The following OTUB2 variants were observed in gnomAD, a reference collection of about 807,000 sequenced individuals.
OTUB2 encodes ubiquitin thioesterase OTUB2.
A neutral mutation model predicts 25.1 loss-of-function variants in OTUB2; 21 were observed. That is an observed-to-expected ratio of 0.84 (90% CI 0.59 to 1.21). The LOEUF (loss-of-function observed/expected upper bound fraction) is 1.21, where lower values mean the gene tolerates loss of function less well. Among genes scored for constraint, OTUB2 ranks in the 50% most tolerant of loss-of-function variants. The pLI is 0.00. For missense variants in OTUB2, 283 were observed against 298.0 expected (o/e 0.95, Z 0.37); for synonymous variants, 122 against 122.8 (o/e 0.99, Z 0.04).
chr14:94,040,380 C>T (rs978576734), intron 3 of OTUB2, among the ~76,000 whole-genome samples: 2 of 152,208 alleles, frequency 1.3e-5, no homozygotes, highest in South Asian at 2.1e-4. Context: ...CTTCATTTCC[C>T]CACGACCCAT....
intron 1 of OTUB2, among the ~76,000 whole-genome samples, chr14:94,033,914 T>C (rs1885006197): frequency 6.6e-6 from 1 of 152,266 alleles, no homozygotes; most frequent in African/African-American, 2.4e-5. Flanking sequence ...ATGTCAATCT[T>C]TCATGATTTA....
chr14:94,045,328 T>C (rs1175208342), intron 5 of OTUB2, among the ~76,000 whole-genome samples: 4 of 152,116 alleles, frequency 2.6e-5, no homozygotes, highest in Admixed American at 6.5e-5. Flanking sequence ...GCCTAGCCTC[T>C]GTAAACACTT....
chr14:94,044,880 C>G (rs748875491), intron 5 of OTUB2, 100 bp downstream of exon 5: 5 of 1,239,402 alleles, frequency 4.0e-6, no homozygotes, highest in Non-Finnish European at 5.5e-6. Context: ...TCGGGTGTCA[C>G]GACTGCCCTT....
intron 1 of OTUB2, among the ~76,000 whole-genome samples, chr14:94,033,706 C>T (rs184165949): frequency 8.1e-4 from 123 of 152,290 alleles, no homozygotes; most frequent in East Asian, 4.0e-3. Flanking sequence ...TCAGAGGGTG[C>T]GTGAGTGGGA....
Position 94,045,858 on chromosome 14 carries a change from C to A in OTUB2, c.641C>A (p.Pro214His), listed in dbSNP as rs1458088560. Residue 214 changes from proline (P) to histidine (H), a missense_variant, in exon 6 of 6, where the codon CCT becomes CAT. Physicochemically the swap from Pro to His is moderately conservative, Grantham distance 77. Coordinates refer to ENST00000203664, the MANE Select transcript of OTUB2 (RefSeq NM_023112.4). ...CACGTGTTCCCTGAGGCCGCCACCC[C>A]TTCCGTTTACCTGCTCTATAAAACA... ...NHHVFPEAATPSVYLLYKTSH... is the reference protein window; with the variant it reads ...NHHVFPEAATHSVYLLYKTSH... 4 of 1,614,116 alleles carry A rather than the reference C, an allele frequency of 2.5e-6. No homozygotes were observed. Among genetic ancestry groups the A allele is most frequent in the Non-Finnish European group, 3.4e-6 (4 of 1,180,048 alleles).
intron 4 of OTUB2, among the ~76,000 whole-genome samples, chr14:94,044,275 G>C (rs972783225): frequency 6.6e-6 from 1 of 152,178 alleles, no homozygotes; most frequent in Non-Finnish European, 1.5e-5. Context: ...GTGAAGGGGC[G>C]GGATCGAGGA....
At chr14:94,038,558 G>A (rs886676613) in intron 2 of OTUB2, among the ~76,000 whole-genome samples, 47 of 43,880 alleles carry the variant, frequency 1.1e-3, no homozygotes, top group African/African-American at 3.4e-3. Flanking sequence ...CACCCCTCCC[G>A]CCCCTGCTCA....
chr14:94,030,675 GTCC>G (rs1261293266), intron 1 of OTUB2, among the ~76,000 whole-genome samples: 1 of 152,146 alleles, frequency 6.6e-6, no homozygotes, highest in Non-Finnish European at 1.5e-5. Flanking sequence ...TGATGTCCAC[GTCC>G]TAATCCCCAC....
At position 94,026,464 on chromosome 14, in the gene OTUB2, CG is replaced by C; in HGVS notation, c.-73del. ...CACCGAACCAGCGGCGGAGCCCGCC[CG>C]CGCCTCCCGCGGCATTCCCGCACCG... On this transcript the variant is annotated 5_prime_UTR_variant, in exon 1 of 6. Transcript: ENST00000203664. 7.6e-7 allele frequency: 1 copy of C among 1,322,686 alleles called. No individual in the cohort carries two copies. The highest frequency in any genetic ancestry group is 9.7e-7 in the Non-Finnish European group (1 of 1,032,766). The allele number at this position is 1,322,686 out of a possible 1,614,324, so 81.9% of individuals were successfully genotyped here.
rs562652760 is a variant in OTUB2 at position 94,031,778 on chromosome 14, A to T, written c.3+5238A>T. ...ATATATTCCTCCACGCAAGCTGCTA[A>T]ATCTGTTTCCAAGCCACAGTGCTAT... On this transcript the variant is annotated intron_variant, in intron 1 of 5. Transcript: ENST00000203664. Among the ~76,000 whole-genome samples the T allele has an allele frequency of 3.3e-4, 50 of 152,344 alleles. 2 individuals carry two copies. The highest frequency in any genetic ancestry group is 7.8e-4 in the Admixed American group (12 of 15,304).
intron 5 of OTUB2, 152 bp from the exon 6 acceptor site, chr14:94,045,564 T>G: frequency 1.1e-5 from 8 of 698,782 alleles, no homozygotes; most frequent in Non-Finnish European, 1.9e-5. Flanking sequence ...CCGTGTGGCA[T>G]GAGAACGTCC....
intron 3 of OTUB2, among the ~76,000 whole-genome samples, chr14:94,041,051 A>T (rs1567053347): frequency 6.6e-6 from 1 of 151,962 alleles, no homozygotes; most frequent in Non-Finnish European, 1.5e-5. Context: ...AGCCAGGGAG[A>T]TGTGGTCGGG....
intron 1 of OTUB2, among the ~76,000 whole-genome samples, chr14:94,029,980 G>A (rs966738611): frequency 9.2e-5 from 14 of 152,336 alleles, no homozygotes; most frequent in Admixed American, 5.2e-4. Flanking sequence ...AGGAGCAGCC[G>A]TGCAAAGGCC....
rs1431909518 is a variant in OTUB2 at position 94,039,020 on chromosome 14, T to G, written c.157T>G (p.Tyr53Asp). The G allele has an allele frequency of 3.1e-6, 5 of 1,614,112 alleles. No individual in the cohort carries two copies. The highest frequency in any genetic ancestry group is 3.4e-6 in the Non-Finnish European group (4 of 1,180,048). The change falls in exon 3 of 6, where the codon TAC becomes GAC. Residue 53 changes from tyrosine to aspartate, a missense_variant. Coordinates refer to ENST00000203664, the MANE Select transcript of OTUB2 (RefSeq NM_023112.4). Reference sequence around the variant, plus strand: ...GACCAAAGGGGATGGGAACTGCTTCTACAGGGCCTTGGGCTATTCCTACCT... The same window carrying G: ...GACCAAAGGGGATGGGAACTGCTTCGACAGGGCCTTGGGCTATTCCTACCT... The part of the protein sequence containing the change: ...RKTKGDGNCF[Y>D]RALGYSYLES...
rs1467051740 is a variant in OTUB2, at chr14:94,048,725, C to A, written c.*2803C>A. The A allele has an allele frequency of 1.3e-5, 2 of 151,980 alleles. No individual in the cohort carries two copies. Among genetic ancestry groups the A allele is most frequent in the Non-Finnish European group, 2.9e-5 (2 of 68,024 alleles). The allele number at this position is 151,980 out of a possible 1,614,324, so 9.4% of individuals were successfully genotyped here. A position where few individuals can be genotyped will look rare whatever the true frequency, so the allele number is the denominator to read the frequency against. On this transcript the variant is annotated 3_prime_UTR_variant, in exon 6 of 6. Coordinates refer to ENST00000203664, the MANE Select transcript of OTUB2 (RefSeq NM_023112.4). ...CACCTTGGCAGTGACTCGGTGGCTT[C>A]CCAAGCAGGAGTGTCAGGGGAACCA... is the stretch of plus-strand genomic sequence containing the variant.
At position 94,046,544 on chromosome 14, in the gene OTUB2, TAGCC is replaced by T; in HGVS notation, c.*623_*626del. ...TTGCCAAAGTCCAGAAAGGGGCCTT[TAGCC>T]TTTAGTAGGAGCTCAAATTGTTGGG... is the stretch of plus-strand genomic sequence containing the variant. On this transcript the variant is annotated 3_prime_UTR_variant, in exon 6 of 6. Coordinates refer to ENST00000203664, the MANE Select transcript of OTUB2 (RefSeq NM_023112.4). 1 of 153,452 alleles carries T rather than the reference TAGCC, an allele frequency of 6.5e-6. No homozygotes were observed. The highest frequency in any genetic ancestry group is 6.5e-5 in the Admixed American group (1 of 15,484). The allele number at this position is 153,452 out of a possible 1,614,324, so 9.5% of individuals were successfully genotyped here.
At chr14:94,045,449 C>T (rs1885253441) in intron 5 of OTUB2, among the ~76,000 whole-genome samples, 1 of 152,174 alleles carries the variant, frequency 6.6e-6, no homozygotes, top group Non-Finnish European at 1.5e-5. Flanking sequence ...AAATTAGTAG[C>T]CTGCTGTCAG....
rs112836351 is a variant in OTUB2, at chr14:94,044,294, C to T, written c.303+239C>T. The stretch of plus-strand genomic sequence containing the variant: ...AGGGGCGGGATCGAGGACTCTCAGA[C>T]GCTTGCCACTCTGAGTGTGCACGTG... On this transcript the variant is annotated intron_variant, in intron 4 of 5. Coordinates refer to ENST00000203664, the MANE Select transcript of OTUB2 (RefSeq NM_023112.4). 3.4e-4 allele frequency among the ~76,000 whole-genome samples: 52 copies of T among 152,320 alleles called. 1 individual carries two copies. The highest frequency in any genetic ancestry group is 1.1e-3 in the African/African-American group (47 of 41,568).
intron 1 of OTUB2, 53 bp downstream of exon 1, chr14:94,026,593 C>CGGGGGGGGG: frequency 2.9e-5 from 12 of 408,378 alleles, no homozygotes; most frequent in Non-Finnish European, 2.8e-5. Context: ...GCGCGGTGGG[C>CGGGGGGGGG]GGGGTCGCTG....
Sources: allele counts gnomAD v4.1 joint callset (sites outside exome capture counted in the v4.1 genomes callset), GRCh38; gene constraint gnomAD v4.1.1; transcripts MANE v1.5; gene names NCBI Gene and HGNC (gene_info 2026-07-23, HGNC 2026-07-21).